Variants in YBX1 observed in about 807,000 individuals in gnomAD.
The protein encoded by YBX1 is Y-box-binding protein 1.
A neutral mutation model predicts 41.4 loss-of-function variants in YBX1; 3 were observed. The ratio of observed to expected loss-of-function variants is 0.07; its 90% CI spans 0.03 to 0.19. YBX1 has a LOEUF of 0.19. Ranked by LOEUF, YBX1 falls within the 10% of genes least tolerant of loss-of-function variation. The pLI is 1.00. For missense variants in YBX1, 274 were observed against 462.8 expected (o/e 0.59, Z 3.74); for synonymous variants, 133 against 165.8 (o/e 0.80, Z 1.52).
intron 3 of YBX1, among the ~76,000 whole-genome samples, chr1:42,694,091 A>G (rs1199919251): frequency 6.6e-6 from 1 of 151,428 alleles, no homozygotes; most frequent in Non-Finnish European, 1.5e-5. Context: ...AAAAAATTTC[A>G]CTAGTTTAAG....
chr1:42,684,098 C>T (rs1000789876), intron 2 of YBX1, among the ~76,000 whole-genome samples: 2 of 152,110 alleles, frequency 1.3e-5, no homozygotes, highest in South Asian at 2.1e-4. Flanking sequence ...TCTTCCTTGT[C>T]CTAGAATCAT....
chr1:42,693,572 AG>A (rs1650391941), intron 3 of YBX1, 49 bp downstream of exon 3: 3 of 1,595,116 alleles, frequency 1.9e-6, no homozygotes, highest in Non-Finnish European at 2.6e-6. Context: ...GATTGTAAGA[AG>A]AAAAGGTTAG....
In YBX1 at chr1:42,696,111, C is replaced by CT. The variant is rs1650453233; in HGVS notation, c.265-87dup. 8.4e-7 allele frequency: 1 copy of CT among 1,197,094 alleles called. No homozygotes were observed. Among genetic ancestry groups the CT allele is most frequent in the African/African-American group, 1.5e-5 (1 of 64,792 alleles). 74.2% of individuals were successfully genotyped at this position (1,197,094 alleles called of 1,614,324 possible). ...AGCAAATCTTAAGTGTATATCCAAG[C>CT]TAAAATAATATTGACTCTGGTACAT... On this transcript the variant is annotated intron_variant, in intron 3 of 7. Coordinates refer to ENST00000321358, the MANE Select transcript of YBX1 (RefSeq NM_004559.5). The surrounding 1 kb of genome is among the most constrained non-coding windows in gnomAD (Gnocchi z 5.7).
chr1:42,696,134 C>G lies in YBX1; in HGVS notation c.265-65C>G. The stretch of plus-strand genomic sequence containing the variant: ...AGCTAAAATAATATTGACTCTGGTA[C>G]ATTTTAAATGAAAAAGCACATTATT... On this transcript the variant is annotated intron_variant, in intron 3 of 7. Transcript: ENST00000321358. This position sits in a 1 kb window ranked among gnomAD's most constrained non-coding sequence, Gnocchi z 5.7. 1 of 1,357,450 alleles carries G rather than the reference C, an allele frequency of 7.4e-7. No individual in the cohort carries two copies. The highest frequency in any genetic ancestry group is 1.0e-6 in the Non-Finnish European group (1 of 978,560). 84.1% of individuals were successfully genotyped at this position (1,357,450 alleles called of 1,614,324 possible). A position where few individuals can be genotyped will look rare whatever the true frequency, so the allele number is the denominator to read the frequency against.
rs528557682 is a variant in YBX1, at chr1:42,691,459, G to C, written c.231-2031G>C. ...CACCCTCATTTCCGGGACTTGAATG[G>C]AGGCCCGGCTAATTTTTTATTTTTT... On this transcript the variant is annotated intron_variant, in intron 2 of 7. Coordinates refer to ENST00000321358, the MANE Select transcript of YBX1 (RefSeq NM_004559.5). Among the ~76,000 whole-genome samples the C allele has an allele frequency of 7.2e-5, 11 of 152,288 alleles. No individual in the cohort carries two copies. The South Asian group carries it at 2.3e-3, about 32-fold the overall frequency.
Position 42,693,473 on chromosome 1 carries a change from T to C in YBX1, c.231-17T>C. The C allele has an allele frequency of 1.2e-6, 2 of 1,613,518 alleles. No individual in the cohort carries two copies. The highest frequency in any genetic ancestry group is 1.7e-6 in the Non-Finnish European group (2 of 1,179,624). The stretch of plus-strand genomic sequence containing the variant: ...TATTTCATTTTCTAACTTGTTCAAC[T>C]TGGTTCTGTCTTGCAGGAATGACAC... On this transcript the variant is annotated splice_polypyrimidine_tract_variant and intron_variant, in intron 2 of 7. Transcript: ENST00000321358.
At chr1:42,700,595 C>T (rs1292515511) in intron 6 of YBX1, among the ~76,000 whole-genome samples, 186 bp from the exon 7 acceptor site, 1 of 126,980 alleles carries the variant, frequency 7.9e-6, no homozygotes. Context: ...CAAGACTCTT[C>T]CCCCTACTCA....
intron 2 of YBX1, among the ~76,000 whole-genome samples, chr1:42,688,279 A>G (rs961970765): frequency 1.3e-5 from 2 of 152,212 alleles, no homozygotes; most frequent in Admixed American, 6.5e-5. Flanking sequence ...GAGATTTGCA[A>G]CAACCTGAAA....
chr1:42,683,602 A>AT (rs1176985308), intron 2 of YBX1, 136 bp downstream of exon 2: 8 of 933,892 alleles, frequency 8.6e-6, no homozygotes, highest in African/African-American at 1.7e-5. Flanking sequence ...TATTAGTATG[A>AT]TTTTTTGTTG....
intron 3 of YBX1, among the ~76,000 whole-genome samples, chr1:42,694,149 A>C (rs1570420997): frequency 6.6e-6 from 1 of 152,130 alleles, no homozygotes; most frequent in East Asian, 1.9e-4. Context: ...TCATTAAATA[A>C]TTTTTAGATT....
intron 3 of YBX1, among the ~76,000 whole-genome samples, chr1:42,695,818 A>G (rs1650444533): frequency 6.6e-6 from 1 of 152,216 alleles, no homozygotes; most frequent in African/African-American, 2.4e-5. Context: ...TGTCATCTAA[A>G]CTGACGCAGT....
chr1:42,693,448 T>G (rs1282444243), intron 2 of YBX1, 42 bp from the exon 3 acceptor site: 1 of 1,608,958 alleles, frequency 6.2e-7, no homozygotes, highest in East Asian at 2.2e-5. Context: ...ACATGAGATT[T>G]ATTTCATTTT....
In YBX1 at chr1:42,684,138, C is replaced by T. The variant is rs557460875; in HGVS notation, c.230+672C>T. 3.9e-5 allele frequency among the ~76,000 whole-genome samples: 6 copies of T among 152,268 alleles called. No individual in the cohort carries two copies. The South Asian group carries it at 1.0e-3, about 26-fold the overall frequency. ...GGTTAAGTCGATTTCTGTTAGATCC[C>T]TGGCTGTAGCTTATTAGAGTGGCCA... On this transcript the variant is annotated intron_variant, in intron 2 of 7. Transcript: ENST00000321358.
chr1:42,701,624 T>C (rs896062606), intron 7 of YBX1, among the ~76,000 whole-genome samples: 2 of 152,202 alleles, frequency 1.3e-5, no homozygotes, highest in African/African-American at 2.4e-5. Context: ...TATCATGGTT[T>C]ATTTAAACTG....
intron 3 of YBX1, among the ~76,000 whole-genome samples, chr1:42,695,676 TGA>T (rs1266780929): frequency 6.6e-6 from 1 of 152,218 alleles, no homozygotes; most frequent in Non-Finnish European, 1.5e-5. Flanking sequence ...TTAATACACA[TGA>T]ATTGCATTTC....
chr1:42,700,621 CAA>C (rs1314082986), intron 6 of YBX1, among the ~76,000 whole-genome samples, 158 bp from the exon 7 acceptor site: 1 of 103,012 alleles, frequency 9.7e-6, no homozygotes, highest in Non-Finnish European at 2.0e-5. Context: ...CCCCCCCCCC[CAA>C]AAAAAAAAAC....
intron 2 of YBX1, among the ~76,000 whole-genome samples, chr1:42,690,371 C>T (rs1650299702): frequency 6.6e-6 from 1 of 151,376 alleles, no homozygotes; most frequent in African/African-American, 2.4e-5. Flanking sequence ...AATGTTTTTC[C>T]CAATGTAATA....
chr1:42,696,844 G>T lies in YBX1; in HGVS notation c.557G>T (p.Arg186Leu). The T allele has an allele frequency of 6.2e-7, 1 of 1,611,866 alleles. No individual in the cohort carries two copies. Among genetic ancestry groups the T allele is most frequent in the Non-Finnish European group, 8.5e-7 (1 of 1,178,658 alleles). Reference sequence around the variant, plus strand: ...CCCGAAGGCCAGGCCCAACAACGCCGGCCCTACCGCAGGCGAAGGTTCCCA... The same window carrying T: ...CCCGAAGGCCAGGCCCAACAACGCCTGCCCTACCGCAGGCGAAGGTTCCCA... Reference protein sequence around the residue: ...SAPEGQAQQRRPYRRRRFPPY... With the variant: ...SAPEGQAQQRLPYRRRRFPPY... The change falls in exon 5 of 8, where the codon CGG becomes CTG. Residue 186 changes from arginine to leucine, a missense_variant. Coordinates refer to ENST00000321358, the MANE Select transcript of YBX1 (RefSeq NM_004559.5). This position sits in a 1 kb window ranked among gnomAD's most constrained non-coding sequence, Gnocchi z 5.7.
chr1:42,701,688 C>T (rs1650605611), intron 7 of YBX1, among the ~76,000 whole-genome samples: 1 of 152,150 alleles, frequency 6.6e-6, no homozygotes, highest in South Asian at 2.1e-4. Flanking sequence ...CAATTACGTT[C>T]TTGTTACTTT....
Sources: allele counts gnomAD v4.1 joint callset (sites outside exome capture counted in the v4.1 genomes callset), GRCh38; gene constraint gnomAD v4.1.1; non-coding constraint Gnocchi (gnomAD v3.1); transcripts MANE v1.5; gene names NCBI Gene and HGNC (gene_info 2026-07-23, HGNC 2026-07-21).